Variants in RNF4 observed in about 807,000 individuals in gnomAD.
RNF4 encodes ring finger protein 4, also known as E3 ubiquitin-protein ligase RNF4.
Under a neutral mutation model 24.3 loss-of-function variants are expected in RNF4, and 7 were observed. The observed-to-expected ratio is 0.29, with a 90% confidence interval of 0.16 to 0.54. The LOEUF (loss-of-function observed/expected upper bound fraction) is 0.54. Ranked by LOEUF, RNF4 falls within the 20% of genes least tolerant of loss-of-function variation. The probability of loss-of-function intolerance (pLI) is 0.95; values close to 1 mark genes in which losing one functional copy is unlikely to be tolerated. For missense variants in RNF4, 209 were observed against 248.5 expected, an observed-to-expected ratio of 0.84 and a Z score of 1.07; for synonymous variants, 83 against 84.3, an observed-to-expected ratio of 0.98 and a Z score of 0.09.
chr4:2,500,335 G>A (rs931994900), intron 3 of RNF4, among the ~76,000 whole-genome samples: 4 of 152,112 alleles, frequency 2.6e-5, no homozygotes, highest in Non-Finnish European at 5.9e-5. Flanking sequence ...TGCATGGTGC[G>A]TTCTCCCAGA....
intron 3 of RNF4, chr4:2,499,211 A>G (rs1735836657): frequency 2.5e-6 from 1 of 399,942 alleles, no homozygotes; most frequent in Non-Finnish European, 4.9e-6. Flanking sequence ...AAAAAAAGTT[A>G]AATGCATTAC....
intron 2 of RNF4, among the ~76,000 whole-genome samples, chr4:2,495,646 G>GGA (rs1553878676): frequency 5.4e-5 from 8 of 148,298 alleles, no homozygotes; most frequent in South Asian, 2.2e-4. Flanking sequence ...TTTTGGGGGG[G>GGA]GGTGAGATGG....
intron 1 of RNF4, among the ~76,000 whole-genome samples, chr4:2,486,861 G>T (rs900783971): frequency 2.0e-5 from 3 of 152,182 alleles, no homozygotes; most frequent in African/African-American, 7.2e-5. Flanking sequence ...ACACGCTATT[G>T]ATGTGGCGGG....
intron 1 of RNF4, among the ~76,000 whole-genome samples, chr4:2,472,619 AG>A (rs1560397508): frequency 7.1e-6 from 1 of 139,992 alleles, no homozygotes; most frequent in Admixed American, 7.3e-5. Context: ...AAAAAAAAAA[AG>A]GGCGGCAGGG....
At position 2,473,796 on chromosome 4, in the gene RNF4, G is replaced by A. The variant is rs554418401; in HGVS notation, c.-158+4538G>A. ...ACTGCACTCCAGCCTGGGCGACAGAGCGAGACTCTGTCTAGAAAAAAAAAA... is the reference window on the plus strand; with the variant it reads ...ACTGCACTCCAGCCTGGGCGACAGAACGAGACTCTGTCTAGAAAAAAAAAA... On this transcript the variant is annotated intron_variant, in intron 1 of 7. Coordinates refer to ENST00000314289, the MANE Select transcript of RNF4 (RefSeq NM_002938.5). Among the ~76,000 whole-genome samples, 16 of 152,086 alleles carry A rather than the reference G, an allele frequency of 1.1e-4. No homozygotes were observed. In the South Asian group the frequency reaches 1.2e-3, roughly 12 times the overall value.
At chr4:2,501,767 G>A (rs1438097151) in intron 4 of RNF4, among the ~76,000 whole-genome samples, 3 of 152,158 alleles carry the variant, frequency 2.0e-5, no homozygotes, top group Admixed American at 6.5e-5. Context: ...CTGAGTCTTC[G>A]CCTTGGCCCT....
intron 1 of RNF4, among the ~76,000 whole-genome samples, chr4:2,484,046 C>T (rs972430987): frequency 9.1e-6 from 1 of 109,434 alleles, no homozygotes; most frequent in African/African-American, 3.4e-5. Flanking sequence ...AGGCTGGTCT[C>T]GAACTCCTGG....
chr4:2,469,612 G>A (rs1214649463), intron 1 of RNF4: 2 of 152,270 alleles, frequency 1.3e-5, no homozygotes, highest in Non-Finnish European at 2.9e-5. Flanking sequence ...TTAGGGGGAA[G>A]ACCCGGGCAG....
chr4:2,470,226 A>G lies in RNF4; in HGVS notation c.-158+968A>G, dbSNP rs1405701000. On this transcript the variant is annotated intron_variant, in intron 1 of 7. Transcript: ENST00000314289. ...TCCAGAAAAGTGAAGTGGTCTGCCCAAGGTCACATAGCCAGCTATTTGGCA... is the reference window on the plus strand; with the variant it reads ...TCCAGAAAAGTGAAGTGGTCTGCCCGAGGTCACATAGCCAGCTATTTGGCA... 5.3e-5 allele frequency among the ~76,000 whole-genome samples: 8 copies of G among 152,374 alleles called. No individual in the cohort carries two copies. The South Asian group carries it at 1.2e-3, about 24-fold the overall frequency.
intron 2 of RNF4, among the ~76,000 whole-genome samples, chr4:2,496,441 A>G (rs777073094): frequency 1.3e-5 from 2 of 152,130 alleles, no homozygotes; most frequent in Non-Finnish European, 2.9e-5. Context: ...TTGTAAAGGG[A>G]TGCATCGTGT....
At position 2,512,039 on chromosome 4, in the gene RNF4, G is replaced by A. The variant is rs1160981143; in HGVS notation, c.214+74G>A. 1.4e-6 allele frequency: 2 copies of A among 1,446,732 alleles called. No individual in the cohort carries two copies. Among genetic ancestry groups the A allele is most frequent in the East Asian group, 2.3e-5 (1 of 42,886 alleles). The allele number at this position is 1,446,732 out of a possible 1,614,324, so 89.6% of individuals were successfully genotyped here. On this transcript the variant is annotated intron_variant, in intron 5 of 7. Transcript: ENST00000314289. The surrounding 1 kb of genome is among the most constrained non-coding windows in gnomAD (Gnocchi z 4.1). ...ATAGGTGAGAGCCGCGGTGCTGCAG[G>A]TCTTGCCAGACCATCCCCAAGGGCT...
intron 1 of RNF4, among the ~76,000 whole-genome samples, chr4:2,476,994 C>T (rs1735098206): frequency 6.6e-6 from 1 of 151,608 alleles, no homozygotes; most frequent in African/African-American, 2.4e-5. Flanking sequence ...GTTGGCCAGC[C>T]TGGTCTTGAA....
chr4:2,513,555 G>A lies in RNF4; in HGVS notation c.424-115G>A. 3.2e-6 allele frequency: 4 copies of A among 1,246,166 alleles called. No individual in the cohort carries two copies. In the South Asian group the frequency reaches 4.2e-5, roughly 13 times the overall value. The allele number at this position is 1,246,166 out of a possible 1,614,324, so 77.2% of individuals were successfully genotyped here. A position where few individuals can be genotyped will look rare whatever the true frequency, so the allele number is the denominator to read the frequency against. ...CCAGACCCCTCCCTGTTGTAGCCTG[G>A]CCCTTGCTTTCCTTTAATTAGTCAT... On this transcript the variant is annotated intron_variant, in intron 7 of 7. Transcript: ENST00000314289.
Position 2,515,458 on chromosome 4 carries a change from A to G in RNF4, c.*1639A>G, listed in dbSNP as rs1287683701. Reference sequence around the variant, plus strand: ...TGTAGCATGTCTGCCCTCTGACTGGACATCATTGCCATTAACTTTCTTCTG... The same window carrying G: ...TGTAGCATGTCTGCCCTCTGACTGGGCATCATTGCCATTAACTTTCTTCTG... On this transcript the variant is annotated 3_prime_UTR_variant, in exon 8 of 8. Coordinates refer to ENST00000314289, the MANE Select transcript of RNF4 (RefSeq NM_002938.5). 1.3e-5 allele frequency: 2 copies of G among 152,422 alleles called. No homozygotes were observed. The highest frequency in any genetic ancestry group is 2.9e-5 in the Non-Finnish European group (2 of 68,046). The allele number at this position is 152,422 out of a possible 1,614,324, so 9.4% of individuals were successfully genotyped here.
chr4:2,495,494 G>C (rs927236857), intron 2 of RNF4, among the ~76,000 whole-genome samples: 4 of 152,206 alleles, frequency 2.6e-5, no homozygotes, highest in Non-Finnish European at 5.9e-5. Context: ...GGCTGGTACT[G>C]GTGAGGAACT....
At chr4:2,493,579 T>C (rs1452813167) in intron 2 of RNF4, among the ~76,000 whole-genome samples, 1 of 151,514 alleles carries the variant, frequency 6.6e-6, no homozygotes, top group Non-Finnish European at 1.5e-5. Flanking sequence ...CCGTTTCCAC[T>C]AAAAATACAA....
chr4:2,500,868 G>A, intron 4 of RNF4, 130 bp downstream of exon 4: 2 of 751,180 alleles, frequency 2.7e-6, no homozygotes, highest in African/African-American at 1.8e-5. Flanking sequence ...CATGCATCTT[G>A]TGGAATTGAG....
At chr4:2,508,581 TTTG>T (rs1417004660) in intron 4 of RNF4, among the ~76,000 whole-genome samples, 6 of 151,954 alleles carry the variant, frequency 3.9e-5, no homozygotes, top group Non-Finnish European at 5.9e-5. Flanking sequence ...TTGTTTGGTT[TTTG>T]TTTTGTTTTG....
At chr4:2,491,704 G>A (rs925561407) in intron 2 of RNF4, among the ~76,000 whole-genome samples, 2 of 151,852 alleles carry the variant, frequency 1.3e-5, no homozygotes, top group African/African-American at 4.8e-5. Context: ...AAAGTGCTAG[G>A]ATGACAGGCA....
Sources: allele counts gnomAD v4.1 joint callset (sites outside exome capture counted in the v4.1 genomes callset), GRCh38; gene constraint gnomAD v4.1.1; non-coding constraint Gnocchi (gnomAD v3.1); transcripts MANE v1.5; gene names NCBI Gene and HGNC (gene_info 2026-07-23, HGNC 2026-07-21).